CAMKMT: variants seen among roughly 807,000 people sequenced by gnomAD.
The protein encoded by CAMKMT is CaM KMT.
Under a neutral mutation model 48.0 loss-of-function variants are expected in CAMKMT, and 53 were observed. That is an observed-to-expected ratio of 1.10 (90% CI 0.89 to 1.39). The LOEUF (loss-of-function observed/expected upper bound fraction) is 1.39. Among genes scored for constraint, CAMKMT ranks in the 40% most tolerant of loss-of-function variants. CAMKMT has a pLI of 0.00. For missense variants in CAMKMT, 428 were observed against 402.7 expected (o/e 1.06, Z -0.54); for synonymous variants, 165 against 152.3 (o/e 1.08, Z -0.61).
intron 3 of CAMKMT, among the ~76,000 whole-genome samples, chr2:44,454,855 T>C (rs1667476721): frequency 6.6e-6 from 1 of 152,118 alleles, no homozygotes; most frequent in South Asian, 2.1e-4. Context: ...CTATAAACAT[T>C]TTATTTAAAC....
Position 44,372,735 on chromosome 2 carries a change from T to A in CAMKMT, c.158T>A (p.Leu53Gln). The part of the protein sequence containing the change: ...LLRQVLKQKH[L>Q]DDCLRHVSVR... Reference sequence around the variant, plus strand: ...TCAAAGGTTCTGAAGCAAAAACACCTGGATGATTGCCTGCGACATGTATCT... The same window carrying A: ...TCAAAGGTTCTGAAGCAAAAACACCAGGATGATTGCCTGCGACATGTATCT... The change falls in exon 2 of 11, where the codon CTG (leucine) becomes CAG (glutamine). Residue 53 changes from leucine (L) to glutamine (Q), a missense_variant. Coordinates refer to ENST00000378494, the MANE Select transcript of CAMKMT (RefSeq NM_024766.5). The A allele has an allele frequency of 6.2e-7, 1 of 1,612,986 alleles. No individual in the cohort carries two copies. Among genetic ancestry groups the A allele is most frequent in the East Asian group, 2.2e-5 (1 of 44,822 alleles).
intron 3 of CAMKMT, among the ~76,000 whole-genome samples, chr2:44,644,958 A>G (rs1673652349): frequency 6.6e-6 from 1 of 152,180 alleles, no homozygotes; most frequent in Non-Finnish European, 1.5e-5. Flanking sequence ...CGTTCTCTCA[A>G]ACAGACTTGT....
intron 8 of CAMKMT, among the ~76,000 whole-genome samples, chr2:44,748,410 A>G (rs1165873281): frequency 6.6e-6 from 1 of 151,554 alleles, no homozygotes; most frequent in East Asian, 1.9e-4. Flanking sequence ...TTTTTTTTCT[A>G]ACGATCTTAC....
At chr2:44,768,252 C>T (rs1680930021) in intron 10 of CAMKMT, among the ~76,000 whole-genome samples, 2 of 150,142 alleles carry the variant, frequency 1.3e-5, no homozygotes, top group Non-Finnish European at 1.5e-5. Flanking sequence ...TAGTTGTCTT[C>T]GTGGTTGGGG....
At chr2:44,686,119 C>T (rs1676319611) in intron 3 of CAMKMT, among the ~76,000 whole-genome samples, 2 of 152,142 alleles carry the variant, frequency 1.3e-5, no homozygotes, top group Admixed American at 1.3e-4. Context: ...CTTGGCCAGG[C>T]CCAGTGGCTC....
Position 44,725,431 on chromosome 2 carries a change from C to G in CAMKMT, c.623+10078C>G, listed in dbSNP as rs79456410. Among the ~76,000 whole-genome samples the G allele has an allele frequency of 9.6e-3, 1,464 of 152,122 alleles. 11 individuals are homozygous for G. Among genetic ancestry groups the G allele is most frequent in the South Asian group, 0.029 (139 of 4,814 alleles). ...GTGAGGTTTCTGCCTTTAGTAAGCT[C>G]AAGATGTCCAGACAAGAGATGGACA... On this transcript the variant is annotated intron_variant, in intron 7 of 10. Coordinates refer to ENST00000378494, the MANE Select transcript of CAMKMT (RefSeq NM_024766.5).
chr2:44,772,158 G>A lies in CAMKMT; in HGVS notation c.*45G>A, dbSNP rs758165235. 1.3e-6 allele frequency: 2 copies of A among 1,525,410 alleles called. No individual in the cohort carries two copies. The highest frequency in any genetic ancestry group is 1.8e-6 in the Non-Finnish European group (2 of 1,106,440). The allele number at this position is 1,525,410 out of a possible 1,614,324, so 94.5% of individuals were successfully genotyped here. On this transcript the variant is annotated 3_prime_UTR_variant, in exon 11 of 11. Coordinates refer to ENST00000378494, the MANE Select transcript of CAMKMT (RefSeq NM_024766.5). ...ACGAAGAAACGTATCAAGTGCATAG[G>A]GAATATTTTTACAAAAACGGAAATC...
chr2:44,372,868 T>C lies in CAMKMT; in HGVS notation c.291T>C (p.Pro97=), dbSNP rs1679322080. Residue 97 remains proline, a synonymous_variant, in exon 2 of 11, where the codon CCT becomes CCC. Coordinates refer to ENST00000378494, the MANE Select transcript of CAMKMT (RefSeq NM_024766.5). The part of the protein sequence containing the change: ...AWVQYTSIFC[P]EYSISLRHNS... Reference sequence around the variant, plus strand: ...TCCAATATACAAGCATCTTCTGTCCTGAATACAGTATCTCCTTAAGGTAAC... The same window carrying C: ...TCCAATATACAAGCATCTTCTGTCCCGAATACAGTATCTCCTTAAGGTAAC... 1 of 1,613,490 alleles carries C rather than the reference T, an allele frequency of 6.2e-7. No individual in the cohort carries two copies. Among genetic ancestry groups the C allele is most frequent in the East Asian group, 2.2e-5 (1 of 44,814 alleles).
chr2:44,604,160 T>A (rs529566029), intron 3 of CAMKMT, among the ~76,000 whole-genome samples: 2 of 152,338 alleles, frequency 1.3e-5, no homozygotes, highest in African/African-American at 4.8e-5. Flanking sequence ...GATATGGCCC[T>A]TGAATTAGAG....
At chr2:44,571,272 C>G (rs1668884245) in intron 3 of CAMKMT, among the ~76,000 whole-genome samples, 1 of 151,946 alleles carries the variant, frequency 6.6e-6, no homozygotes, top group South Asian at 2.1e-4. Context: ...TGTTTGTTTT[C>G]CACATAAAAG....
In CAMKMT at chr2:44,445,922, G is replaced by C. The variant is rs541354827; in HGVS notation, c.376+55617G>C. Among the ~76,000 whole-genome samples the C allele has an allele frequency of 2.0e-5, 3 of 152,096 alleles. No individual in the cohort carries two copies. In the South Asian group the frequency reaches 6.2e-4, roughly 32 times the overall value. On this transcript the variant is annotated intron_variant, in intron 3 of 10. Coordinates refer to ENST00000378494, the MANE Select transcript of CAMKMT (RefSeq NM_024766.5). ...GCCAGGAACTCTTAGATAGGCTTCT[G>C]ACTGCCATTTTCCCCAAAACAAGAC...
intron 3 of CAMKMT, among the ~76,000 whole-genome samples, chr2:44,415,075 C>G (rs971093634): frequency 6.6e-6 from 1 of 152,072 alleles, no homozygotes; most frequent in Non-Finnish European, 1.5e-5. Context: ...CACTTGAACC[C>G]GGGAGGCAGA....
Position 44,582,396 on chromosome 2 carries a change from A to G in CAMKMT, c.377-121887A>G, listed in dbSNP as rs1451018803. 2.0e-5 allele frequency among the ~76,000 whole-genome samples: 3 copies of G among 152,370 alleles called. No individual in the cohort carries two copies. In the East Asian group the frequency reaches 5.8e-4, roughly 29 times the overall value. On this transcript the variant is annotated intron_variant, in intron 3 of 10. Coordinates refer to ENST00000378494, the MANE Select transcript of CAMKMT (RefSeq NM_024766.5). Reference sequence around the variant, plus strand: ...TTCAAATTCCCAAATAGTAAAATAGATGAAGCGATACTTAAACATAATTCT... The same window carrying G: ...TTCAAATTCCCAAATAGTAAAATAGGTGAAGCGATACTTAAACATAATTCT...
chr2:44,754,610 T>A (rs1558836829), intron 9 of CAMKMT, among the ~76,000 whole-genome samples: 2 of 152,318 alleles, frequency 1.3e-5, no homozygotes, highest in East Asian at 3.9e-4. Context: ...TTCTTTGCTT[T>A]AAAAGGAAGT....
intron 3 of CAMKMT, among the ~76,000 whole-genome samples, chr2:44,560,275 G>T (rs1356204564): frequency 6.6e-6 from 1 of 152,058 alleles, no homozygotes; most frequent in Non-Finnish European, 1.5e-5. Flanking sequence ...TAACATACTT[G>T]TTTTTTAAAA....
intron 3 of CAMKMT, among the ~76,000 whole-genome samples, chr2:44,456,192 G>T (rs867172485): frequency 3.9e-5 from 6 of 152,062 alleles, no homozygotes; most frequent in South Asian, 2.1e-4. Flanking sequence ...TTAAGTGAAA[G>T]GATTTATTTA....
chr2:44,624,279 G>C (rs1672353082), intron 3 of CAMKMT, among the ~76,000 whole-genome samples: 1 of 151,998 alleles, frequency 6.6e-6, no homozygotes, highest in Non-Finnish European at 1.5e-5. Flanking sequence ...AAATATCTAG[G>C]AATGGAATGG....
At chr2:44,738,047 G>A (rs1240050095) in intron 7 of CAMKMT, among the ~76,000 whole-genome samples, 1 of 151,782 alleles carries the variant, frequency 6.6e-6, no homozygotes, top group Non-Finnish European at 1.5e-5. Context: ...GTGGAGACGG[G>A]GTTTCACCAT....
intron 3 of CAMKMT, among the ~76,000 whole-genome samples, chr2:44,614,884 A>G (rs541697609): frequency 2.5e-4 from 36 of 144,096 alleles, no homozygotes; most frequent in Non-Finnish European, 4.5e-5. Context: ...TGCACCACCC[A>G]GTCTGCTACT....
Sources: allele counts gnomAD v4.1 joint callset (sites outside exome capture counted in the v4.1 genomes callset), GRCh38; gene constraint gnomAD v4.1.1; transcripts MANE v1.5; gene names NCBI Gene and HGNC (gene_info 2026-07-23, HGNC 2026-07-21).